GMPR: variants seen among roughly 807,000 people sequenced by gnomAD.
GMPR encodes GMP reductase 1.
A neutral mutation model predicts 38.4 loss-of-function variants in GMPR; 31 were observed. The ratio of observed to expected loss-of-function variants is 0.81; its 90% confidence interval spans 0.61 to 1.09. The LOEUF is 1.09. GMPR is among the 50% of genes least tolerant of loss of function. The pLI, the probability that GMPR is intolerant of heterozygous loss-of-function variation, is 0.00. For missense variants in GMPR, 468 were observed against 453.7 expected (o/e 1.03, Z -0.29); for synonymous variants, 162 against 173.3 (o/e 0.93, Z 0.51).
At chr6:16,252,996 G>A (rs1404697150) in intron 3 of GMPR, among the ~76,000 whole-genome samples, 1 of 152,246 alleles carries the variant, frequency 6.6e-6, no homozygotes, top group African/African-American at 2.4e-5. Context: ...AGAGATAAGA[G>A]TTAAAATATA....
rs1260143212 is a variant in GMPR at position 16,257,404 on chromosome 6, TTC to T, written c.465+2671_465+2672del. On this transcript the variant is annotated intron_variant, in intron 4 of 8. Transcript: ENST00000259727. Reference sequence around the variant, plus strand: ...GTGGTCATCCTTTATGTCTTTTATCTTCTTTTTCTTGATAGTATATTTGAGAT... The same window carrying T: ...GTGGTCATCCTTTATGTCTTTTATCTTTTTTCTTGATAGTATATTTGAGAT... Among the ~76,000 whole-genome samples the T allele has an allele frequency of 3.9e-5, 6 of 152,344 alleles. No homozygotes were observed. The East Asian group carries it at 1.2e-3, about 29-fold the overall frequency.
chr6:16,266,074 C>G (rs969026648), intron 4 of GMPR, among the ~76,000 whole-genome samples: 1 of 151,556 alleles, frequency 6.6e-6, no homozygotes, highest in Non-Finnish European at 1.5e-5. Flanking sequence ...ATGAACAACT[C>G]CCGACGGGCT....
intron 5 of GMPR, among the ~76,000 whole-genome samples, chr6:16,275,010 GTTC>G (rs1270761162): frequency 1.3e-5 from 2 of 152,124 alleles, no homozygotes; most frequent in African/African-American, 4.8e-5. Context: ...TTTTGCCCAT[GTTC>G]TTCTCCCAGG....
intron 4 of GMPR, among the ~76,000 whole-genome samples, chr6:16,255,146 G>C (rs1237017117): frequency 6.6e-6 from 1 of 151,750 alleles, no homozygotes; most frequent in African/African-American, 2.4e-5. Flanking sequence ...CAAGTAGCTG[G>C]GATTACAGGC....
chr6:16,250,562 A>G (rs934274536), intron 3 of GMPR, among the ~76,000 whole-genome samples, 195 bp downstream of exon 3: 1 of 152,220 alleles, frequency 6.6e-6, no homozygotes, highest in Non-Finnish European at 1.5e-5. Context: ...ATTTATCTGT[A>G]AGAAATGTCT....
chr6:16,265,141 CAG>C (rs1254162696), intron 4 of GMPR, among the ~76,000 whole-genome samples: 2 of 152,172 alleles, frequency 1.3e-5, no homozygotes, highest in African/African-American at 4.8e-5. Context: ...TTTGTAGAAA[CAG>C]AATATTGCAG....
At chr6:16,242,668 C>T (rs1164709775) in intron 1 of GMPR, among the ~76,000 whole-genome samples, 9 of 151,964 alleles carry the variant, frequency 5.9e-5, no homozygotes, top group Non-Finnish European at 1.2e-4. Flanking sequence ...GAAGGAGTTT[C>T]GCTCTTGTTG....
chr6:16,240,946 C>A (rs1758637163), intron 1 of GMPR, among the ~76,000 whole-genome samples: 1 of 151,986 alleles, frequency 6.6e-6, no homozygotes, highest in African/African-American at 2.4e-5. Flanking sequence ...TGCTGCCTGG[C>A]TGGCCACCCC....
At chr6:16,287,177 A>G (rs2113703393) in intron 7 of GMPR, among the ~76,000 whole-genome samples, 1 of 152,362 alleles carries the variant, frequency 6.6e-6, no homozygotes, top group South Asian at 2.1e-4. Flanking sequence ...AATCAGGGGC[A>G]GAACAGGGAG....
intron 7 of GMPR, among the ~76,000 whole-genome samples, chr6:16,288,291 G>A (rs1381459291): frequency 6.6e-6 from 1 of 152,256 alleles, no homozygotes; most frequent in Non-Finnish European, 1.5e-5. Context: ...TGCGCGAGGC[G>A]CTTGCGGGCC....
At chr6:16,240,849 G>A (rs1758635337) in intron 1 of GMPR, among the ~76,000 whole-genome samples, 1 of 152,102 alleles carries the variant, frequency 6.6e-6, no homozygotes, top group Non-Finnish European at 1.5e-5. Flanking sequence ...GTGGGAGTTT[G>A]CCAGCCACGG....
At chr6:16,266,468 TTC>T (rs1491214706) in intron 4 of GMPR, among the ~76,000 whole-genome samples, 254 of 95,358 alleles carry the variant, frequency 2.7e-3, no homozygotes, top group African/African-American at 8.1e-3. Context: ...GCTGTAACAC[TTC>T]CTGTGGAAAA....
intron 7 of GMPR, among the ~76,000 whole-genome samples, chr6:16,289,084 G>A (rs1759764692): frequency 6.6e-6 from 1 of 152,164 alleles, no homozygotes; most frequent in Non-Finnish European, 1.5e-5. Flanking sequence ...TTGTTGTTTC[G>A]CTCTTTGCAA....
chr6:16,246,554 G>A (rs3818407), intron 1 of GMPR, among the ~76,000 whole-genome samples: 28,291 of 151,926 alleles, frequency 0.19, 3,185 homozygotes, highest in African/African-American at 0.32. Context: ...TAGGGCTTGC[G>A]GGTGGGGCGA....
Position 16,255,096 on chromosome 6 carries a change from A to G in GMPR, c.465+361A>G, listed in dbSNP as rs144741467. Among the ~76,000 whole-genome samples, 804 of 151,294 alleles carry G rather than the reference A, an allele frequency of 5.3e-3. 3 individuals carry two copies. Among genetic ancestry groups the G allele is most frequent in the African/African-American group, 0.018 (748 of 41,198 alleles). ...GGGTGATCTCGGCTCACTGCAACCT[A>G]TGCCTTCCAGGTTCAAAAGATTCTT... On this transcript the variant is annotated intron_variant, in intron 4 of 8. Coordinates refer to ENST00000259727, the MANE Select transcript of GMPR (RefSeq NM_006877.4).
chr6:16,292,741 C>T (rs1323765635), intron 8 of GMPR, among the ~76,000 whole-genome samples: 2 of 152,146 alleles, frequency 1.3e-5, no homozygotes, highest in Non-Finnish European at 1.5e-5. Context: ...CTCGTGGCTG[C>T]ATCTGTTTTG....
At chr6:16,294,966 C>T (rs773589788) in intron 8 of GMPR, 40 bp from the exon 9 acceptor site, 28 of 1,521,212 alleles carry the variant, frequency 1.8e-5, no homozygotes, top group African/African-American at 2.8e-5. Flanking sequence ...TAAGGTGGGG[C>T]GGGAAACTAG....
At chr6:16,285,618 G>A (rs1759663537) in intron 6 of GMPR, among the ~76,000 whole-genome samples, 175 bp from the exon 7 acceptor site, 1 of 152,190 alleles carries the variant, frequency 6.6e-6, no homozygotes, top group Non-Finnish European at 1.5e-5. Context: ...GTGCAATATT[G>A]AGGGGAGTAC....
At chr6:16,260,743 A>G (rs1166360498) in intron 4 of GMPR, among the ~76,000 whole-genome samples, 1 of 152,064 alleles carries the variant, frequency 6.6e-6, no homozygotes, top group Non-Finnish European at 1.5e-5. Flanking sequence ...AACTGCCATC[A>G]ATAAATCAAG....
Sources: gnomAD v4.1 joint callset for allele counts (sites outside exome capture counted in the v4.1 genomes callset) on GRCh38, gnomAD v4.1.1 for gene constraint, MANE v1.5 for transcripts, NCBI Gene and HGNC (gene_info 2026-07-23, HGNC 2026-07-21) for gene names.